Variants in MTUS2 observed in about 807,000 individuals in gnomAD.
The protein encoded by MTUS2 is microtubule associated scaffold protein 2.
Under a neutral mutation model 114.1 loss-of-function variants are expected in MTUS2, and 40 were observed. The ratio of observed to expected loss-of-function variants is 0.35; its 90% confidence interval spans 0.27 to 0.46. The LOEUF (loss-of-function observed/expected upper bound fraction) is 0.46. Among genes scored for constraint, MTUS2 ranks in the 20% least tolerant of loss-of-function variants. The pLI, the probability that MTUS2 is intolerant of heterozygous loss-of-function variation, is 1.00. For synonymous variants in MTUS2, 688 were observed against 672.0 expected (o/e 1.02, Z -0.37); for missense variants, 1,679 against 1,705.4 (o/e 0.98, Z 0.27).
chr13:29,212,117 C>T (rs924907834), intron 5 of MTUS2, among the ~76,000 whole-genome samples: 7 of 151,994 alleles, frequency 4.6e-5, no homozygotes, highest in African/African-American at 1.7e-4. Flanking sequence ...AGTTACAGTC[C>T]ACAAATTTTG....
chr13:29,052,224 G>A (rs1231683285), intron 4 of MTUS2, among the ~76,000 whole-genome samples: 1 of 152,146 alleles, frequency 6.6e-6, no homozygotes, highest in Non-Finnish European at 1.5e-5. Context: ...GCTCACGCCT[G>A]TAATCCCAGC....
chr13:29,383,345 G>A (rs1872385577), intron 8 of MTUS2, among the ~76,000 whole-genome samples: 1 of 151,518 alleles, frequency 6.6e-6, no homozygotes, highest in African/African-American at 2.4e-5. Context: ...GAATACTAAA[G>A]GAAAAGGAAA....
At chr13:28,861,513 T>C (rs995195467) in intron 2 of MTUS2, among the ~76,000 whole-genome samples, 3 of 152,024 alleles carry the variant, frequency 2.0e-5, no homozygotes, top group African/African-American at 7.3e-5. Context: ...CGAGATGATT[T>C]TGCATGTATG....
chr13:29,216,151 A>G (rs776944360), intron 5 of MTUS2, among the ~76,000 whole-genome samples: 3 of 152,186 alleles, frequency 2.0e-5, no homozygotes, highest in South Asian at 4.1e-4. Flanking sequence ...ACCCAGTCCA[A>G]ACTTTCTGGC....
intron 2 of MTUS2, among the ~76,000 whole-genome samples, chr13:28,949,280 A>G (rs938201125): frequency 5.9e-5 from 9 of 152,004 alleles, no homozygotes; most frequent in Non-Finnish European, 8.8e-5. Flanking sequence ...ATGGGCAGCT[A>G]GTTTACCCTG....
intron 7 of MTUS2, among the ~76,000 whole-genome samples, chr13:29,354,438 A>G (rs761529475): frequency 3.3e-5 from 5 of 152,166 alleles, no homozygotes; most frequent in Non-Finnish European, 7.3e-5. Flanking sequence ...CTTCTTGTAA[A>G]TCACAATAAG....
At chr13:29,161,137 C>T (rs966104700) in intron 5 of MTUS2, among the ~76,000 whole-genome samples, 5 of 152,150 alleles carry the variant, frequency 3.3e-5, no homozygotes, top group African/African-American at 1.2e-4. Context: ...AGTAAAATTG[C>T]ATAGAACTAA....
At chr13:29,028,452 G>A (rs1471132743) in intron 3 of MTUS2, among the ~76,000 whole-genome samples, 2 of 152,176 alleles carry the variant, frequency 1.3e-5, no homozygotes, top group African/African-American at 2.4e-5. Context: ...TCTGCCTTTA[G>A]GATGGGATGT....
chr13:29,361,471 A>T (rs1593349512), intron 8 of MTUS2, among the ~76,000 whole-genome samples: 2 of 152,024 alleles, frequency 1.3e-5, no homozygotes, highest in Non-Finnish European at 2.9e-5. Context: ...TTTTTTTTTA[A>T]AAAGTTAAAG....
intron 2 of MTUS2, among the ~76,000 whole-genome samples, chr13:28,937,200 T>A (rs1881948075): frequency 6.6e-6 from 1 of 152,208 alleles, no homozygotes; most frequent in Admixed American, 6.5e-5. Flanking sequence ...ATCAGCACTC[T>A]GTAGCTAGGA....
chr13:28,939,477 G>A (rs935682336), intron 2 of MTUS2, among the ~76,000 whole-genome samples: 2 of 152,120 alleles, frequency 1.3e-5, no homozygotes, highest in African/African-American at 2.4e-5. Context: ...AATTGTTTCT[G>A]TATTTAGGCC....
intron 2 of MTUS2, among the ~76,000 whole-genome samples, chr13:28,911,173 C>CTTTTTT (rs35468877): frequency 1.3e-5 from 1 of 79,648 alleles, no homozygotes; most frequent in African/African-American, 5.8e-5. Flanking sequence ...CTGCGCCCTG[C>CTTTTTT]TTTTTTTTTT....
intron 2 of MTUS2, among the ~76,000 whole-genome samples, chr13:28,920,446 G>A (rs180777617): frequency 1.2e-3 from 187 of 152,270 alleles, no homozygotes; most frequent in African/African-American, 3.9e-3. Context: ...CTGGAACTAG[G>A]GGTGAGGGGA....
intron 5 of MTUS2, among the ~76,000 whole-genome samples, chr13:29,218,077 G>A (rs6490374): frequency 0.74 from 112,428 of 151,812 alleles, 41,711 homozygotes; most frequent in East Asian, 0.8. Flanking sequence ...TGATTGTGCC[G>A]TCATACTCCA....
intron 5 of MTUS2, among the ~76,000 whole-genome samples, chr13:29,225,363 A>C (rs186270477): frequency 3.9e-5 from 6 of 152,320 alleles, no homozygotes; most frequent in Admixed American, 2.6e-4. Flanking sequence ...ACCCATCCTC[A>C]AATCTGATTT....
chr13:29,119,563 T>C (rs993120063), intron 5 of MTUS2, among the ~76,000 whole-genome samples: 10 of 152,224 alleles, frequency 6.6e-5, no homozygotes, highest in Non-Finnish European at 2.9e-5. Flanking sequence ...TATCTGATTA[T>C]GTAATTAAGG....
At chr13:29,249,808 A>G (rs543709956) in intron 5 of MTUS2, among the ~76,000 whole-genome samples, 2 of 152,264 alleles carry the variant, frequency 1.3e-5, no homozygotes, top group East Asian at 3.9e-4. Context: ...GTTCTGGGAA[A>G]ATTGGCTAGC....
At chr13:28,874,245 C>T (rs1299645571) in intron 2 of MTUS2, among the ~76,000 whole-genome samples, 3 of 152,106 alleles carry the variant, frequency 2.0e-5, no homozygotes, top group African/African-American at 4.8e-5. Flanking sequence ...TCATGATCTG[C>T]CCCCCTCGGC....
chr13:29,041,195 GAA>G (rs1471005952), intron 4 of MTUS2, among the ~76,000 whole-genome samples: 1 of 152,082 alleles, frequency 6.6e-6, no homozygotes, highest in Non-Finnish European at 1.5e-5. Flanking sequence ...ACCATTTGTT[GAA>G]TATGGTGTGC....
Sources: allele counts gnomAD v4.1 joint callset (sites outside exome capture counted in the v4.1 genomes callset), GRCh38; gene constraint gnomAD v4.1.1; transcripts MANE v1.5; gene names NCBI Gene and HGNC (gene_info 2026-07-23, HGNC 2026-07-21).